Variants in DEK observed in about 807,000 individuals in gnomAD.
DEK encodes protein DEK.
Under a neutral mutation model 46.8 loss-of-function variants are expected in DEK, and 28 were observed. That is an observed-to-expected ratio of 0.60 (90% CI 0.44 to 0.82). The LOEUF (loss-of-function observed/expected upper bound fraction) is 0.82. DEK is among the 40% of genes least tolerant of loss of function. The pLI is 0.00. For missense variants in DEK, 416 were observed against 430.6 expected (o/e 0.97, Z 0.30); for synonymous variants, 160 against 144.5 (o/e 1.11, Z -0.77).
At chr6:18,259,018 A>G (rs1791722209) in intron 2 of DEK, among the ~76,000 whole-genome samples, 1 of 152,144 alleles carries the variant, frequency 6.6e-6, no homozygotes, top group South Asian at 2.1e-4. Context: ...TAAGTCACTC[A>G]AAGTTAAATT....
rs979401305 is a variant in DEK, at chr6:18,236,660, C to T, written c.899-60G>A. On this transcript the variant is annotated intron_variant, in intron 8 of 10. Coordinates refer to ENST00000652689, the MANE Select transcript of DEK (RefSeq NM_003472.4). ...ATAGTAAATTAACATTTAACAAAGG[C>T]TGAGATGAATTTTAAGCTTTCAACA... 6.7e-6 allele frequency: 8 copies of T among 1,200,238 alleles called. No homozygotes were observed. The African/African-American group carries it at 9.7e-5, about 15-fold the overall frequency. 74.3% of individuals were successfully genotyped at this position (1,200,238 alleles called of 1,614,324 possible).
chr6:18,260,796 T>C (rs1791822949), intron 2 of DEK, among the ~76,000 whole-genome samples: 1 of 150,394 alleles, frequency 6.6e-6, no homozygotes, highest in Admixed American at 6.6e-5. Context: ...AGCTAAGGAG[T>C]CTGAGACCAG....
At chr6:18,238,994 G>A (rs933976745) in intron 7 of DEK, among the ~76,000 whole-genome samples, 3 of 151,868 alleles carry the variant, frequency 2.0e-5, no homozygotes, top group Non-Finnish European at 2.9e-5. Context: ...GCATGATCTC[G>A]GCTCACCGCA....
At chr6:18,256,023 T>C (rs1791579270) in intron 5 of DEK, among the ~76,000 whole-genome samples, 172 bp from the exon 6 acceptor site, 2 of 151,890 alleles carry the variant, frequency 1.3e-5, no homozygotes, top group African/African-American at 4.8e-5. Flanking sequence ...GTTTCGCTCT[T>C]GTTGCCCAGG....
rs564658966 is a variant in DEK, at chr6:18,252,651, G to A, written c.574-2812C>T. ...TGACAAGAAAAAACAGATTCTCACA[G>A]TGTGGTTCAAGGACTTTGGGGTTTC... On this transcript the variant is annotated intron_variant, in intron 6 of 10. Transcript: ENST00000652689. Among the ~76,000 whole-genome samples the A allele has an allele frequency of 3.9e-5, 6 of 151,988 alleles. 1 individual carries two copies. The South Asian group carries it at 1.2e-3, about 32-fold the overall frequency.
intron 3 of DEK, 98 bp downstream of exon 3, chr6:18,258,206 T>C (rs569022613): frequency 1.7e-6 from 2 of 1,160,758 alleles, no homozygotes; most frequent in African/African-American, 1.6e-5. Context: ...ATACCAAAAG[T>C]ATAAAACACT....
intron 7 of DEK, chr6:18,244,747 A>G (rs891746919): frequency 5.7e-6 from 2 of 348,960 alleles, no homozygotes; most frequent in Non-Finnish European, 5.4e-6. Flanking sequence ...GCAAGTTTAA[A>G]TGGGTTTTAG....
At chr6:18,251,926 A>G (rs1791392700) in intron 6 of DEK, among the ~76,000 whole-genome samples, 1 of 152,206 alleles carries the variant, frequency 6.6e-6, no homozygotes, top group Non-Finnish European at 1.5e-5. Flanking sequence ...CCAATAAAAA[A>G]AAAAATGCAA....
chr6:18,250,030 T>G (rs1404095931), intron 6 of DEK, among the ~76,000 whole-genome samples, 191 bp from the exon 7 acceptor site: 1 of 152,200 alleles, frequency 6.6e-6, no homozygotes. Context: ...ACCATTTGTG[T>G]TCTAAACACC....
intron 6 of DEK, among the ~76,000 whole-genome samples, chr6:18,253,831 G>A (rs1350748551): frequency 6.6e-6 from 1 of 151,966 alleles, no homozygotes; most frequent in African/African-American, 2.4e-5. Flanking sequence ...TTCCACCTCA[G>A]CCTCCCAAGT....
chr6:18,236,543 G>T lies in DEK; in HGVS notation c.956C>A (p.Pro319His). 1.3e-6 allele frequency: 2 copies of T among 1,587,804 alleles called. No individual in the cohort carries two copies. The highest frequency in any genetic ancestry group is 1.7e-6 in the Non-Finnish European group (2 of 1,172,036). The change falls in exon 9 of 11, where the codon CCC becomes CAC. Residue 319 changes from proline to histidine, a missense_variant. Pro to His is a moderately conservative substitution (Grantham distance 77). Coordinates refer to ENST00000652689, the MANE Select transcript of DEK (RefSeq NM_003472.4). ...TTCCTTTAACTCTTCATCTGTAGGG[G>T]GTTTCTTCAACTTTTTAATTAAAGG... is the stretch of plus-strand genomic sequence containing the variant. ...DEPLIKKLKK[P>H]PTDEELKETI... is the part of the protein sequence containing the mutation.
At chr6:18,247,378 T>A (rs1254636905) in intron 7 of DEK, among the ~76,000 whole-genome samples, 1 of 152,166 alleles carries the variant, frequency 6.6e-6, no homozygotes, top group Middle Eastern at 3.2e-3. Flanking sequence ...TAATAAAATA[T>A]GATATAGCTT....
At chr6:18,225,899 A>T in intron 10 of DEK, 169 bp from the exon 11 acceptor site, 1 of 830,116 alleles carries the variant, frequency 1.2e-6, no homozygotes, top group Non-Finnish European at 1.9e-6. Flanking sequence ...GAACTTCCTC[A>T]AGTATTTGTG....
At position 18,249,716 on chromosome 6, in the gene DEK, C is replaced by G; in HGVS notation, c.697G>C (p.Asp233His). ...PEILSDESSS[D>H]EDEKKNKEES... ...TCCTTGTTTTTCTTTTCATCTTCAT[C>G]ACTACTAGATTCATCTGACAGAATT... The change falls in exon 7 of 11, where the codon GAT becomes CAT. Residue 233 changes from aspartate (D) to histidine (H), a missense_variant. Asp to His is a moderately conservative substitution (Grantham distance 81, BLOSUM62 -1). Coordinates refer to ENST00000652689, the MANE Select transcript of DEK (RefSeq NM_003472.4). 6.2e-7 allele frequency: 1 copy of G among 1,610,112 alleles called. No individual in the cohort carries two copies. The highest frequency in any genetic ancestry group is 8.5e-7 in the Non-Finnish European group (1 of 1,178,614).
Position 18,225,313 on chromosome 6 carries a change from T to C in DEK, c.*406A>G. Reference sequence around the variant, plus strand: ...AGATGTGTATTCAAAATATTTCATATACTAAATACTACAATCTCTGTATGT... The same window carrying C: ...AGATGTGTATTCAAAATATTTCATACACTAAATACTACAATCTCTGTATGT... On this transcript the variant is annotated 3_prime_UTR_variant, in exon 11 of 11. Coordinates refer to ENST00000652689, the MANE Select transcript of DEK (RefSeq NM_003472.4). The C allele has an allele frequency of 4.2e-6, 1 of 236,572 alleles. No homozygotes were observed. Among genetic ancestry groups the C allele is most frequent in the Non-Finnish European group, 8.3e-6 (1 of 120,702 alleles). 14.7% of individuals were successfully genotyped at this position (236,572 alleles called of 1,614,324 possible).
chr6:18,255,922 G>A (rs535384902), intron 5 of DEK, 71 bp from the exon 6 acceptor site: 3 of 1,509,148 alleles, frequency 2.0e-6, no homozygotes, highest in East Asian at 4.7e-5. Flanking sequence ...ACAATATAAA[G>A]GGAAAGCCAA....
chr6:18,245,153 C>T (rs144726948), intron 7 of DEK, among the ~76,000 whole-genome samples: 1 of 152,322 alleles, frequency 6.6e-6, no homozygotes, highest in Non-Finnish European at 1.5e-5. Context: ...AAAGGCATCC[C>T]ATTCAGGGAA....
intron 9 of DEK, among the ~76,000 whole-genome samples, chr6:18,229,126 G>A (rs183864460): frequency 6.6e-6 from 1 of 152,204 alleles, no homozygotes; most frequent in Non-Finnish European, 1.5e-5. Flanking sequence ...GGCAAACAGG[G>A]TCTGCAGTGG....
chr6:18,264,019 A>C (rs1388802211), intron 1 of DEK, 23 bp from the exon 2 acceptor site: 37 of 1,581,232 alleles, frequency 2.3e-5, no homozygotes, highest in Non-Finnish European at 2.9e-5. Context: ...AGAAAGCCGG[A>C]CGTCTCGGTC....
Sources: gnomAD v4.1 joint callset for allele counts (sites outside exome capture counted in the v4.1 genomes callset) on GRCh38, gnomAD v4.1.1 for gene constraint, MANE v1.5 for transcripts, NCBI Gene and HGNC (gene_info 2026-07-23, HGNC 2026-07-21) for gene names.